CTNNA2: variants seen among roughly 807,000 people sequenced by gnomAD.
The protein encoded by CTNNA2 is catenin alpha-2.
A neutral mutation model predicts 101.0 loss-of-function variants in CTNNA2; 42 were observed. The ratio of observed to expected loss-of-function variants is 0.42; its 90% CI spans 0.32 to 0.54. The LOEUF is 0.54. CTNNA2 is among the 20% of genes least tolerant of loss of function. The pLI is 0.14. For missense variants in CTNNA2, 871 were observed against 1,223.1 expected (o/e 0.71, Z 4.29); for synonymous variants, 450 against 456.4 (o/e 0.99, Z 0.18).
In CTNNA2 at chr2:80,125,436, G is replaced by T. The variant is rs544213950; in HGVS notation, c.1056+215639G>T. Among the ~76,000 whole-genome samples the T allele has an allele frequency of 7.2e-5, 11 of 152,224 alleles. No homozygotes were observed. In the South Asian group the frequency reaches 2.3e-3, roughly 32 times the overall value. ...TTCAATGGGACTGTAGACAGCTCTTGGATATGGATAGATTAGTTTTACCAG... is the reference window on the plus strand; with the variant it reads ...TTCAATGGGACTGTAGACAGCTCTTTGATATGGATAGATTAGTTTTACCAG... On this transcript the variant is annotated intron_variant, in intron 7 of 18. Transcript: ENST00000402739.
At chr2:80,610,045 A>T (rs1207132742) in intron 17 of CTNNA2, among the ~76,000 whole-genome samples, 4 of 151,762 alleles carry the variant, frequency 2.6e-5, no homozygotes, top group Admixed American at 2.0e-4. Flanking sequence ...AAAGTTCATA[A>T]ATCCTTGCAT....
intron 1 of CTNNA2, among the ~76,000 whole-genome samples, chr2:79,528,999 T>C (rs1157035604): frequency 6.6e-6 from 1 of 152,026 alleles, no homozygotes; most frequent in Non-Finnish European, 1.5e-5. Flanking sequence ...GATGAAGGAG[T>C]GTTTAAAGTA....
chr2:79,425,518 A>G (rs1488994544), intron 4 of CTNNA2, among the ~76,000 whole-genome samples: 1 of 152,122 alleles, frequency 6.6e-6, no homozygotes. Context: ...TGGAAATGCT[A>G]TGTCCTCATC....
chr2:80,585,418 C>T (rs933404136), intron 14 of CTNNA2, among the ~76,000 whole-genome samples: 7 of 152,082 alleles, frequency 4.6e-5, no homozygotes, highest in African/African-American at 1.7e-4. Context: ...AATTTGGAAC[C>T]CCACATCAGG....
At chr2:80,056,735 A>T (rs1050490420) in intron 7 of CTNNA2, among the ~76,000 whole-genome samples, 1 of 152,204 alleles carries the variant, frequency 6.6e-6, no homozygotes, top group African/African-American at 2.4e-5. Context: ...CTATGAAAGT[A>T]TCAAGAGACA....
chr2:80,572,605 A>C (rs1384351905), intron 12 of CTNNA2: 3 of 152,346 alleles, frequency 2.0e-5, no homozygotes, highest in Admixed American at 2.0e-4. Flanking sequence ...GTACAAAAAT[A>C]ATTTCATGCT....
At chr2:79,580,361 C>T (rs1288332023) in intron 1 of CTNNA2, among the ~76,000 whole-genome samples, 1 of 152,148 alleles carries the variant, frequency 6.6e-6, no homozygotes, top group Non-Finnish European at 1.5e-5. Flanking sequence ...GGCTGTGCGC[C>T]AAAGAATGCA....
At chr2:79,740,315 T>C (rs1671201328) in intron 2 of CTNNA2, among the ~76,000 whole-genome samples, 1 of 152,194 alleles carries the variant, frequency 6.6e-6, no homozygotes, top group Non-Finnish European at 1.5e-5. Context: ...TCCATGATCC[T>C]GCAAAGGACA....
At chr2:80,594,173 A>G (rs995737113) in intron 15 of CTNNA2, among the ~76,000 whole-genome samples, 2 of 151,960 alleles carry the variant, frequency 1.3e-5, no homozygotes, top group African/African-American at 2.4e-5. Flanking sequence ...TTTTTTCTTG[A>G]TAGTAGCCAT....
chr2:80,390,063 T>C (rs555002550), intron 7 of CTNNA2, among the ~76,000 whole-genome samples: 16 of 152,350 alleles, frequency 1.1e-4, no homozygotes, highest in African/African-American at 3.8e-4. Context: ...CTTCACATCA[T>C]GGAGAAAAAG....
chr2:79,478,830 C>T (rs2104554199), intron 4 of CTNNA2, among the ~76,000 whole-genome samples: 1 of 152,256 alleles, frequency 6.6e-6, no homozygotes, highest in South Asian at 2.1e-4. Context: ...ACCCAACTGG[C>T]CCACTGGAAA....
intron 1 of CTNNA2, among the ~76,000 whole-genome samples, chr2:79,624,723 A>G (rs2104311605): frequency 6.6e-6 from 1 of 152,294 alleles, no homozygotes; most frequent in South Asian, 2.1e-4. Context: ...ATTGAGGGGA[A>G]TACCATTTCT....
chr2:80,330,274 A>C (rs908915743), intron 7 of CTNNA2, among the ~76,000 whole-genome samples: 2 of 152,192 alleles, frequency 1.3e-5, no homozygotes, highest in Non-Finnish European at 2.9e-5. Context: ...TCTACTTAAC[A>C]GTACCTGCTG....
chr2:79,862,223 GAATAGCAAGATACAA>G (rs1681680009), intron 4 of CTNNA2, among the ~76,000 whole-genome samples: 1 of 152,064 alleles, frequency 6.6e-6, no homozygotes, highest in Admixed American at 6.5e-5. Flanking sequence ...CTAGAAAATG[GAATAGCAAGATACAA>G]AATAGCAACC....
intron 1 of CTNNA2, among the ~76,000 whole-genome samples, chr2:79,647,625 C>T (rs942616174): frequency 2.0e-5 from 3 of 152,102 alleles, no homozygotes; most frequent in African/African-American, 7.2e-5. Flanking sequence ...TGTAGCCCTG[C>T]TACCTAGAAC....
chr2:79,444,693 A>G (rs865957594), intron 4 of CTNNA2, among the ~76,000 whole-genome samples: 3 of 152,036 alleles, frequency 2.0e-5, no homozygotes, highest in African/African-American at 4.8e-5. Context: ...CAAAATGTGT[A>G]TGTGTGTCAA....
chr2:80,609,862 A>AGTACCG (rs1259951906), intron 17 of CTNNA2, among the ~76,000 whole-genome samples: 2 of 151,710 alleles, frequency 1.3e-5, no homozygotes, highest in African/African-American at 4.8e-5. Context: ...TCATCCTCTC[A>AGTACCG]GTACCCATTG....
chr2:80,637,443 T>C (rs1672996818), intron 18 of CTNNA2, among the ~76,000 whole-genome samples: 2 of 152,004 alleles, frequency 1.3e-5, no homozygotes, highest in Non-Finnish European at 2.9e-5. Context: ...GTAGGAGAGA[T>C]GAAAACATGC....
intron 3 of CTNNA2, among the ~76,000 whole-genome samples, chr2:79,831,082 C>G (rs1558561550): frequency 1.3e-5 from 2 of 151,908 alleles, no homozygotes; most frequent in Non-Finnish European, 2.9e-5. Context: ...CCATAAATTA[C>G]TGTCATTTTG....
Sources: allele counts gnomAD v4.1 joint callset (sites outside exome capture counted in the v4.1 genomes callset), GRCh38; gene constraint gnomAD v4.1.1; transcripts MANE v1.5; gene names NCBI Gene and HGNC (gene_info 2026-07-23, HGNC 2026-07-21).